Variants in SPOCK1 observed in about 807,000 individuals in gnomAD.
The protein encoded by SPOCK1 is testican-1.
In SPOCK1, 23 loss-of-function variants were observed where a neutral mutation model predicts 55.3. The ratio of observed to expected loss-of-function variants is 0.42; its 90% CI spans 0.30 to 0.59. The LOEUF (loss-of-function observed/expected upper bound fraction) is 0.59, where lower values mean the gene tolerates loss of function less well. SPOCK1 is among the 20% of genes least tolerant of loss of function. The pLI, the probability that SPOCK1 is intolerant of heterozygous loss-of-function variation, is 0.22. For missense variants in SPOCK1, 499 were observed against 552.5 expected (o/e 0.90, Z 0.97); for synonymous variants, 226 against 221.0 (o/e 1.02, Z -0.20).
intron 2 of SPOCK1, among the ~76,000 whole-genome samples, chr5:137,280,255 C>A (rs1388381764): frequency 6.6e-6 from 1 of 152,134 alleles, no homozygotes; most frequent in African/African-American, 2.4e-5. Flanking sequence ...ATATTTATTT[C>A]TTGTAAGGAG....
intron 4 of SPOCK1, among the ~76,000 whole-genome samples, chr5:137,121,924 TTATTA>T (rs1561617135): frequency 1.4e-5 from 2 of 146,250 alleles, no homozygotes; most frequent in East Asian, 3.9e-4. Context: ...AATAATACTG[TTATTA>T]TATAACAGTA....
At chr5:137,356,515 TG>T (rs1750803936) in intron 2 of SPOCK1, among the ~76,000 whole-genome samples, 1 of 151,212 alleles carries the variant, frequency 6.6e-6, no homozygotes, top group Non-Finnish European at 1.5e-5. Context: ...AGAGGCAGGG[TG>T]CGGTGGTTCA....
chr5:136,988,243 T>TAC (rs1289652734), intron 8 of SPOCK1, among the ~76,000 whole-genome samples, 179 bp downstream of exon 8: 2 of 152,190 alleles, frequency 1.3e-5, no homozygotes, highest in African/African-American at 4.8e-5. Flanking sequence ...TTTTCTAGTA[T>TAC]ACCACATTAA....
intron 2 of SPOCK1, among the ~76,000 whole-genome samples, chr5:137,294,940 C>A (rs1014783383): frequency 2.6e-5 from 4 of 152,212 alleles, no homozygotes; most frequent in African/African-American, 9.6e-5. Context: ...TAAAAGAAGA[C>A]CAAACTCCTC....
chr5:137,404,251 G>C (rs554873982), intron 2 of SPOCK1, among the ~76,000 whole-genome samples: 1 of 152,352 alleles, frequency 6.6e-6, no homozygotes, highest in East Asian at 1.9e-4. Context: ...AGAAGGGGCA[G>C]CTGCTACGAC....
chr5:137,478,660 TGG>T (rs1297285927), intron 2 of SPOCK1, among the ~76,000 whole-genome samples: 2 of 152,102 alleles, frequency 1.3e-5, no homozygotes, highest in Non-Finnish European at 2.9e-5. Flanking sequence ...ATTTTAAAAT[TGG>T]TATATATTAG....
intron 2 of SPOCK1, among the ~76,000 whole-genome samples, chr5:137,426,792 C>T (rs1344322546): frequency 6.6e-6 from 1 of 152,168 alleles, no homozygotes; most frequent in Non-Finnish European, 1.5e-5. Flanking sequence ...GTCTGGCACC[C>T]CCATTGCTCA....
chr5:137,333,123 G>A (rs1411857346), intron 2 of SPOCK1, among the ~76,000 whole-genome samples: 1 of 152,222 alleles, frequency 6.6e-6, no homozygotes, highest in African/African-American at 2.4e-5. Context: ...CACATGCTCA[G>A]GTGATTCTGA....
At chr5:137,309,187 ATCTT>A (rs1213385578) in intron 2 of SPOCK1, among the ~76,000 whole-genome samples, 1 of 152,230 alleles carries the variant, frequency 6.6e-6, no homozygotes, top group Non-Finnish European at 1.5e-5. Flanking sequence ...CATCATTGCC[ATCTT>A]TCTTTCTCCT....
intron 3 of SPOCK1, among the ~76,000 whole-genome samples, chr5:137,170,087 T>C (rs1754722992): frequency 6.6e-6 from 1 of 152,184 alleles, no homozygotes; most frequent in Admixed American, 6.6e-5. Flanking sequence ...AATCTACAGA[T>C]GGTCAAGTCC....
In SPOCK1 at chr5:137,160,570, ATTATATAAT is replaced by A. The variant is rs1754518068; in HGVS notation, c.233-19885_233-19877del. Among the ~76,000 whole-genome samples the A allele has an allele frequency of 5.5e-5, 4 of 73,196 alleles. 1 individual carries two copies. Among genetic ancestry groups the A allele is most frequent in the Admixed American group, 2.3e-4 (1 of 4,300 alleles). 48.0% of individuals were successfully genotyped at this position (73,196 alleles called of 152,430 possible). A position where few individuals can be genotyped will look rare whatever the true frequency, so the allele number is the denominator to read the frequency against. ...ATATAATATATATTATATATTATATATTATATAATATATATAATATATAATATATTATAT... is the reference window on the plus strand; with the variant it reads ...ATATAATATATATTATATATTATATAATATATAATATATAATATATTATAT... On this transcript the variant is annotated intron_variant, in intron 3 of 10. Transcript: ENST00000394945.
intron 9 of SPOCK1, among the ~76,000 whole-genome samples, chr5:136,980,946 G>C (rs924997887): frequency 1.3e-5 from 2 of 151,800 alleles, no homozygotes; most frequent in Non-Finnish European, 2.9e-5. Flanking sequence ...TTTGATTTTG[G>C]TTTTGATTTA....
chr5:137,285,765 T>C (rs1165625241), intron 2 of SPOCK1, among the ~76,000 whole-genome samples: 1 of 152,166 alleles, frequency 6.6e-6, no homozygotes, highest in Non-Finnish European at 1.5e-5. Context: ...GCACCAATTG[T>C]TCAGGCATGG....
intron 2 of SPOCK1, among the ~76,000 whole-genome samples, chr5:137,331,152 G>A (rs937179211): frequency 1.3e-5 from 2 of 152,148 alleles, no homozygotes; most frequent in African/African-American, 4.8e-5. Flanking sequence ...CCCTGTCTAA[G>A]GCCAAGGGAC....
chr5:137,219,699 A>T (rs753017029), intron 3 of SPOCK1, among the ~76,000 whole-genome samples: 9 of 152,234 alleles, frequency 5.9e-5, no homozygotes, highest in Non-Finnish European at 8.8e-5. Flanking sequence ...TCTAGAGCTC[A>T]TCATGATCAA....
chr5:137,218,139 G>T (rs1281708790), intron 3 of SPOCK1, among the ~76,000 whole-genome samples: 3 of 152,168 alleles, frequency 2.0e-5, no homozygotes, highest in African/African-American at 7.2e-5. Context: ...GATGAAGCTC[G>T]ATCCTTTATC....
At chr5:137,329,527 T>C (rs754819681) in intron 2 of SPOCK1, among the ~76,000 whole-genome samples, 20 of 152,132 alleles carry the variant, frequency 1.3e-4, no homozygotes, top group Non-Finnish European at 2.5e-4. Flanking sequence ...ATGGGTCATT[T>C]GGACACTAAG....
At chr5:137,034,002 G>A (rs1378626294) in intron 6 of SPOCK1, among the ~76,000 whole-genome samples, 3 of 152,238 alleles carry the variant, frequency 2.0e-5, no homozygotes, top group African/African-American at 7.2e-5. Context: ...TAAGCTCCAT[G>A]AGAGCAGAAC....
chr5:137,239,742 G>T (rs771501370), intron 3 of SPOCK1, among the ~76,000 whole-genome samples: 1 of 151,988 alleles, frequency 6.6e-6, no homozygotes, highest in Non-Finnish European at 1.5e-5. Context: ...CCCTTTAACA[G>T]ACAAGAAAAA....
Sources: gnomAD v4.1 joint callset for allele counts (sites outside exome capture counted in the v4.1 genomes callset) on GRCh38, gnomAD v4.1.1 for gene constraint, MANE v1.5 for transcripts, NCBI Gene and HGNC (gene_info 2026-07-23, HGNC 2026-07-21) for gene names.